BTD: variants seen among roughly 807,000 people sequenced by gnomAD.
BTD encodes biotinidase, also known as biocytinase.
In BTD, 13 loss-of-function variants were observed where a neutral mutation model predicts 17.7. The ratio of observed to expected loss-of-function variants is 0.74; its 90% confidence interval spans 0.48 to 1.17. The LOEUF (loss-of-function observed/expected upper bound fraction) is 1.17, where lower values mean the gene tolerates loss of function less well. BTD is among the 50% of genes most tolerant of loss of function. The pLI is 0.00. For synonymous variants in BTD, 240 were observed against 245.2 expected (o/e 0.98, Z 0.20); for missense variants, 674 against 650.4 (o/e 1.04, Z -0.39).
At chr3:15,707,023 T>C (rs992064629) in intron 3 of BTD, among the ~76,000 whole-genome samples, 1 of 152,226 alleles carries the variant, frequency 6.6e-6, no homozygotes, top group Non-Finnish European at 1.5e-5. Flanking sequence ...GAGTTTATAC[T>C]AAATTAACAT....
intron 3 of BTD, chr3:15,668,007 T>C (rs1462248948): frequency 6.6e-6 from 1 of 152,168 alleles, no homozygotes; most frequent in Non-Finnish European, 1.5e-5. Context: ...ATGTGCGAGA[T>C]TCATCCTTCC....
Position 15,635,100 on chromosome 3 carries a change from C to A in BTD, c.-16-324C>A, listed in dbSNP as rs2065307890. Among the ~76,000 whole-genome samples, 1 of 152,308 alleles carries A rather than the reference C, an allele frequency of 6.6e-6. No individual in the cohort carries two copies. Among genetic ancestry groups the A allele is most frequent in the South Asian group, 2.1e-4 (1 of 4,824 alleles). On this transcript the variant is annotated intron_variant, in intron 1 of 3. Coordinates refer to ENST00000643237, the MANE Select transcript of BTD (RefSeq NM_001370658.1). This position sits in a 1 kb window ranked among gnomAD's most constrained non-coding sequence, Gnocchi z 4.1. ...CTGGATAGTTACTACTGCTTAAAAT[C>A]TAAGTGCACAGCTAGAAAAGTGGGT...
chr3:15,601,977 T>G (rs1387695724), intron 1 of BTD, 83 bp downstream of exon 1: 1 of 1,582,550 alleles, frequency 6.3e-7, no homozygotes, highest in East Asian at 2.3e-5. Flanking sequence ...CCAGTTGGAC[T>G]TGGGGAGGGC....
intron 1 of BTD, among the ~76,000 whole-genome samples, chr3:15,634,951 C>G (rs1024982315): frequency 1.3e-5 from 2 of 152,144 alleles, no homozygotes; most frequent in African/African-American, 2.4e-5. Flanking sequence ...TTTTGATGGC[C>G]AGGAAAGCCA....
At position 15,630,709 on chromosome 3, in the gene BTD, A is replaced by G. The variant is rs975786964; in HGVS notation, c.-16-4715A>G. Among the ~76,000 whole-genome samples the G allele has an allele frequency of 9.2e-5, 14 of 152,326 alleles. No homozygotes were observed. The East Asian group carries it at 1.2e-3, about 13-fold the overall frequency. ...AATTTTTTTTGAAAGTGAAATTACA[A>G]TTTACCACCTCAACTCAGAGGACAT... is the stretch of plus-strand genomic sequence containing the variant. On this transcript the variant is annotated intron_variant, in intron 1 of 3. Transcript: ENST00000643237.
Position 15,651,401 on chromosome 3 carries a change from A to C in BTD, c.*5913A>C, listed in dbSNP as rs1408128172. On this transcript the variant is annotated 3_prime_UTR_variant, in exon 4 of 4. Transcript: ENST00000643237. ...ATTTACACAGCTGTGGGCAGGATGTAGGGGAACCCAGAAAGGATAATGCAC... is the reference window on the plus strand; with the variant it reads ...ATTTACACAGCTGTGGGCAGGATGTCGGGGAACCCAGAAAGGATAATGCAC... Among the ~76,000 whole-genome samples, 6 of 152,238 alleles carry C rather than the reference A, an allele frequency of 3.9e-5. No homozygotes were observed. The highest frequency in any genetic ancestry group is 8.8e-5 in the Non-Finnish European group (6 of 68,036).
At chr3:15,641,328 T>G (rs1172128274) in intron 2 of BTD, among the ~76,000 whole-genome samples, 1 of 152,188 alleles carries the variant, frequency 6.6e-6, no homozygotes. Context: ...GATCCTAACC[T>G]TGGCTACAAA....
Position 15,642,040 on chromosome 3 carries a change from C to G in BTD, c.382C>G (p.Arg128Gly), listed in dbSNP as rs137877018. The change falls in exon 3 of 4, where the codon CGC (arginine) becomes GGC (glycine). Residue 128 changes from arginine to glycine, a missense_variant. By Grantham distance (125) the Arg-to-Gly change is moderately radical. Transcript: ENST00000643237. ...GTGGAACCCATGCCTGGAGCCTCAC[C>G]GCTTCAATGACACAGAGGTGATTCC... ...VRWNPCLEPHRFNDTEVLQRL... is the reference protein window; with the variant it reads ...VRWNPCLEPHGFNDTEVLQRL... The G allele has an allele frequency of 1.2e-6, 2 of 1,614,008 alleles. No homozygotes were observed. Among genetic ancestry groups the G allele is most frequent in the Admixed American group, 1.7e-5 (1 of 59,992 alleles).
At chr3:15,630,662 C>CT (rs1219628106) in intron 1 of BTD, among the ~76,000 whole-genome samples, 3 of 152,140 alleles carry the variant, frequency 2.0e-5, no homozygotes, top group Non-Finnish European at 2.9e-5. Flanking sequence ...ATATCATTCT[C>CT]TTTTTTTAAA....
At chr3:15,644,284 A>T (rs2065626180) in intron 3 of BTD, 32 bp from the exon 4 acceptor site, 2 of 1,595,218 alleles carry the variant, frequency 1.3e-6, no homozygotes, top group Non-Finnish European at 1.7e-6. Flanking sequence ...ACAGGCAAAA[A>T]CCTCATTTAT....
intron 3 of BTD, among the ~76,000 whole-genome samples, chr3:15,664,667 A>C (rs1353654069): frequency 6.6e-6 from 1 of 152,188 alleles, no homozygotes; most frequent in East Asian, 1.9e-4. Context: ...ATTTAGCAAA[A>C]GCTTTTTGAC....
At chr3:15,663,430 T>G (rs1479634005) in intron 3 of BTD, among the ~76,000 whole-genome samples, 1 of 152,256 alleles carries the variant, frequency 6.6e-6, no homozygotes, top group Non-Finnish European at 1.5e-5. Context: ...GCGTGTTCAG[T>G]AGAATTCAGC....
chr3:15,608,323 T>C (rs2064516384), intron 1 of BTD, among the ~76,000 whole-genome samples: 1 of 151,816 alleles, frequency 6.6e-6, no homozygotes, highest in African/African-American at 2.4e-5. Flanking sequence ...TTTTTGTTTT[T>C]TGTGTTTTTT....
exon 4 of BTD, chr3:15,711,158 C>G: frequency 7.1e-7 from 1 of 1,416,292 alleles, no homozygotes; most frequent in Admixed American, 1.9e-5. Flanking sequence ...TAAGAGAAAA[C>G]CTGCCATGAC....
intron 4 of BTD, among the ~76,000 whole-genome samples, chr3:15,717,812 G>A (rs1197049242): frequency 6.6e-6 from 1 of 152,140 alleles, no homozygotes; most frequent in Non-Finnish European, 1.5e-5. Flanking sequence ...TTATAAACCT[G>A]ATTCATTTTA....
At chr3:15,628,345 A>T (rs747542363) in intron 1 of BTD, among the ~76,000 whole-genome samples, 1 of 152,258 alleles carries the variant, frequency 6.6e-6, no homozygotes, top group Admixed American at 6.5e-5. Context: ...TGTGTCCATC[A>T]TACATTTAAT....
chr3:15,708,762 T>C (rs1207916939), intron 3 of BTD, among the ~76,000 whole-genome samples: 1 of 152,202 alleles, frequency 6.6e-6, no homozygotes, highest in Non-Finnish European at 1.5e-5. Context: ...GTAATTATGG[T>C]GTCAAATAGT....
At chr3:15,605,106 C>T (rs771389789) in intron 1 of BTD, among the ~76,000 whole-genome samples, 10 of 152,226 alleles carry the variant, frequency 6.6e-5, no homozygotes, top group Non-Finnish European at 1.5e-4. Context: ...CCACTCTCTG[C>T]ATTACCAATT....
intron 3 of BTD, among the ~76,000 whole-genome samples, chr3:15,703,812 A>C (rs1012284997): frequency 1.3e-5 from 2 of 152,232 alleles, no homozygotes; most frequent in African/African-American, 4.8e-5. Flanking sequence ...GCTAGAGATA[A>C]CAACCCATAA....
Sources: allele counts gnomAD v4.1 joint callset (sites outside exome capture counted in the v4.1 genomes callset), GRCh38; gene constraint gnomAD v4.1.1; non-coding constraint Gnocchi (gnomAD v3.1); transcripts MANE v1.5; gene names NCBI Gene and HGNC (gene_info 2026-07-23, HGNC 2026-07-21).